Variants in BABAM2 observed in about 807,000 individuals in gnomAD.
BABAM2 encodes BRISC and BRCA1 A complex member 2.
Under a neutral mutation model 54.7 loss-of-function variants are expected in BABAM2, and 31 were observed. The ratio of observed to expected loss-of-function variants is 0.57; its 90% confidence interval spans 0.43 to 0.77. BABAM2 has a LOEUF of 0.77. Among genes scored for constraint, BABAM2 ranks in the 30% least tolerant of loss-of-function variants. BABAM2 has a pLI of 0.00. For synonymous variants in BABAM2, 167 were observed against 162.9 expected, an observed-to-expected ratio of 1.03 and a Z score of -0.19; for missense variants, 364 against 455.8, an observed-to-expected ratio of 0.80 and a Z score of 1.83.
intron 3 of BABAM2, among the ~76,000 whole-genome samples, chr2:27,955,225 C>T (rs949986591): frequency 6.6e-6 from 1 of 152,118 alleles, no homozygotes; most frequent in Non-Finnish European, 1.5e-5. Flanking sequence ...TGCACTACAT[C>T]CTCTTTGCAA....
intron 10 of BABAM2, among the ~76,000 whole-genome samples, chr2:28,275,216 A>T (rs879411933): frequency 1.1e-4 from 16 of 152,332 alleles, no homozygotes; most frequent in Admixed American, 1.0e-3. Flanking sequence ...AAGCCAACGG[A>T]TCTGATGTCT....
At chr2:28,278,530 C>T (rs1686066093) in intron 10 of BABAM2, among the ~76,000 whole-genome samples, 1 of 151,848 alleles carries the variant, frequency 6.6e-6, no homozygotes, top group African/African-American at 2.4e-5. Flanking sequence ...TTTAAGAGTA[C>T]CAGAATCTGG....
At chr2:28,079,560 A>G (rs746148604) in intron 6 of BABAM2, among the ~76,000 whole-genome samples, 25 of 152,176 alleles carry the variant, frequency 1.6e-4, no homozygotes, top group South Asian at 8.3e-4. Flanking sequence ...AAATAAGCAT[A>G]TTATTTCACT....
chr2:28,225,449 T>C (rs1226371957), intron 7 of BABAM2, among the ~76,000 whole-genome samples: 1 of 152,218 alleles, frequency 6.6e-6, no homozygotes, highest in Non-Finnish European at 1.5e-5. Flanking sequence ...TTTATTTATT[T>C]ACAATTTGAA....
At chr2:28,333,217 G>A (rs185034533) in intron 11 of BABAM2, among the ~76,000 whole-genome samples, 2 of 152,114 alleles carry the variant, frequency 1.3e-5, no homozygotes, top group South Asian at 2.1e-4. Flanking sequence ...AGTTACTCCC[G>A]CCTTTTAGAT....
At chr2:28,132,142 CTTTTT>C (rs371766527) in intron 7 of BABAM2, among the ~76,000 whole-genome samples, 3 of 139,418 alleles carry the variant, frequency 2.2e-5, no homozygotes, top group Admixed American at 2.1e-4. Context: ...TCTTCTTCTT[CTTTTT>C]TTTTTTTTTG....
chr2:27,929,736 T>C, intron 2 of BABAM2, 96 bp from the exon 3 acceptor site: 2 of 1,118,738 alleles, frequency 1.8e-6, no homozygotes, highest in Non-Finnish European at 2.6e-6. Context: ...CTGTTTTGTA[T>C]AAAGATCCTG....
intron 3 of BABAM2, among the ~76,000 whole-genome samples, chr2:27,957,776 C>T (rs1670193632): frequency 6.6e-6 from 1 of 152,054 alleles, no homozygotes; most frequent in South Asian, 2.1e-4. Context: ...TCTGGGTGGG[C>T]TTGTGATTAT....
intron 11 of BABAM2, among the ~76,000 whole-genome samples, chr2:28,318,610 G>A: frequency 6.6e-6 from 1 of 152,218 alleles, no homozygotes; most frequent in East Asian, 1.9e-4. Flanking sequence ...GTAGTAGTTA[G>A]CAAAACAAAG....
At chr2:28,108,296 A>C (rs528845314) in intron 6 of BABAM2, among the ~76,000 whole-genome samples, 4 of 152,190 alleles carry the variant, frequency 2.6e-5, no homozygotes, top group Admixed American at 1.3e-4. Flanking sequence ...GTCTCATTCA[A>C]GTTGAATCAT....
intron 3 of BABAM2, among the ~76,000 whole-genome samples, chr2:27,976,589 AAG>A (rs2148462922): frequency 6.6e-6 from 1 of 152,284 alleles, no homozygotes; most frequent in Non-Finnish European, 1.5e-5. Flanking sequence ...GGATAGCATG[AAG>A]ACATATTGGA....
At chr2:28,020,006 G>A (rs887202629) in intron 4 of BABAM2, among the ~76,000 whole-genome samples, 6 of 152,160 alleles carry the variant, frequency 3.9e-5, no homozygotes, top group Non-Finnish European at 7.4e-5. Flanking sequence ...TTTGGCTAAG[G>A]AAAGCACAAT....
intron 5 of BABAM2, among the ~76,000 whole-genome samples, chr2:28,040,457 C>G (rs1413835078): frequency 1.3e-5 from 2 of 151,032 alleles, no homozygotes; most frequent in Non-Finnish European, 3.0e-5. Context: ...CCCGCCACTA[C>G]GCCCGGCTAA....
intron 7 of BABAM2, among the ~76,000 whole-genome samples, chr2:28,139,092 TG>T (rs1395443701): frequency 6.6e-6 from 1 of 152,044 alleles, no homozygotes; most frequent in Non-Finnish European, 1.5e-5. Flanking sequence ...TAGGTACTCC[TG>T]GGAATTATTC....
At chr2:28,204,677 CTT>C (rs1250582686) in intron 7 of BABAM2, among the ~76,000 whole-genome samples, 1 of 152,126 alleles carries the variant, frequency 6.6e-6, no homozygotes, top group African/African-American at 2.4e-5. Flanking sequence ...ATAGTAGTGA[CTT>C]ATAGTTTTAG....
At chr2:28,279,862 C>T (rs2148190130) in intron 10 of BABAM2, among the ~76,000 whole-genome samples, 1 of 151,902 alleles carries the variant, frequency 6.6e-6, no homozygotes, top group African/African-American at 2.4e-5. Context: ...GATGGGGTTT[C>T]TCCATGTTGG....
chr2:28,281,255 C>T (rs1262154303), intron 10 of BABAM2, among the ~76,000 whole-genome samples: 1 of 152,030 alleles, frequency 6.6e-6, no homozygotes, highest in East Asian at 1.9e-4. Context: ...ACAAGGGGCA[C>T]AATTAAGGTA....
In BABAM2 at chr2:28,304,423, TA is replaced by T. The variant is rs1450220185; in HGVS notation, c.1088+5935del. On this transcript the variant is annotated intron_variant, in intron 11 of 11. Transcript: ENST00000379624. This position sits in a 1 kb window ranked among gnomAD's most constrained non-coding sequence, Gnocchi z 4.0. The stretch of plus-strand genomic sequence containing the variant: ...AAATATTTATAAATATATAAAAATA[TA>T]AACAAAATTTTTAAAAATTTATTTT... 6.7e-6 allele frequency among the ~76,000 whole-genome samples: 1 copy of T among 150,270 alleles called. No homozygotes were observed. The highest frequency in any genetic ancestry group is 1.5e-5 in the Non-Finnish European group (1 of 67,576).
intron 6 of BABAM2, among the ~76,000 whole-genome samples, chr2:28,076,473 T>TTTGG (rs1664679809): frequency 1.4e-5 from 2 of 146,270 alleles, no homozygotes; most frequent in Admixed American, 6.7e-5. Context: ...TATTTATTTA[T>TTTGG]TTATTTATTT....
Sources: gnomAD v4.1 joint callset for allele counts (sites outside exome capture counted in the v4.1 genomes callset) on GRCh38, gnomAD v4.1.1 for gene constraint, Gnocchi (gnomAD v3.1) non-coding constraint, MANE v1.5 for transcripts, NCBI Gene and HGNC (gene_info 2026-07-23, HGNC 2026-07-21) for gene names.